The following TMC6 variants were observed in gnomAD, a reference collection of about 807,000 sequenced individuals.
The protein encoded by TMC6 is transmembrane channel like 6.
A neutral mutation model predicts 95.4 loss-of-function variants in TMC6; 71 were observed. The observed-to-expected ratio is 0.74, with a 90% CI of 0.61 to 0.91. The LOEUF is 0.91. TMC6 is among the 40% of genes least tolerant of loss of function. The pLI, the probability that TMC6 is intolerant of heterozygous loss-of-function variation, is 0.00. For missense variants in TMC6, 1,074 were observed against 1,079.1 expected (o/e 1.00, Z 0.07); for synonymous variants, 514 against 483.1 (o/e 1.06, Z -0.84).
At chr17:78,118,023 C>G in intron 15 of TMC6, 88 bp from the exon 16 acceptor site, 1 of 1,543,834 alleles carries the variant, frequency 6.5e-7, no homozygotes, top group Non-Finnish European at 8.7e-7. Flanking sequence ...GAAGGGCGAC[C>G]AGGGCTGTGC....
rs2074417768 is a variant in TMC6, at chr17:78,121,604, C to T, written c.1335G>A (p.Ala445=). 7 of 1,611,312 alleles carry T rather than the reference C, an allele frequency of 4.3e-6. No homozygotes were observed. Among genetic ancestry groups the T allele is most frequent in the African/African-American group, 1.3e-5 (1 of 74,870 alleles). Residue 445 remains alanine, a synonymous_variant, in exon 11 of 20, where the codon GCG becomes GCA. Coordinates refer to ENST00000590602, the MANE Select transcript of TMC6 (RefSeq NM_001127198.5). This position sits in a 1 kb window ranked among gnomAD's most constrained non-coding sequence, Gnocchi z 5.6. Reference sequence around the variant, plus strand: ...CGTGGACGGCCACGGCGCAGCCCAGCGCGGTCCCCAGACACAGCAGCCACA... The same window carrying T: ...CGTGGACGGCCACGGCGCAGCCCAGTGCGGTCCCCAGACACAGCAGCCACA... ...GLVWLLCLGT[A]LGCAVAVHVF...
rs370394664 is a variant in TMC6, at chr17:78,113,577, G to C, written c.2325C>G (p.Tyr775Ter). The C allele has an allele frequency of 6.2e-7, 1 of 1,613,844 alleles. No homozygotes were observed. Among genetic ancestry groups the C allele is most frequent in the Middle Eastern group, 1.6e-4 (1 of 6,062 alleles). Residue 775 changes from tyrosine to a stop codon, truncating the protein, a stop_gained, in exon 19 of 20, where the codon TAC becomes TAG. Transcript: ENST00000590602. LOFTEE classifies it low-confidence loss of function (END_TRUNC). ...TCCTCTCCTCCCTCTCCTTCCTCTCGTAGATGGAGTGAAGCTTGTTGATTA... is the reference window on the plus strand; with the variant it reads ...TCCTCTCCTCCCTCTCCTTCCTCTCCTAGATGGAGTGAAGCTTGTTGATTA... ...IFLINKLHSI[Y>*]ERKEREERSR...
At position 78,126,207 on chromosome 17, in the gene TMC6, C is replaced by T. The variant is rs540804398; in HGVS notation, c.271+70G>A. On this transcript the variant is annotated intron_variant, in intron 4 of 19. Coordinates refer to ENST00000590602, the MANE Select transcript of TMC6 (RefSeq NM_001127198.5). Reference sequence around the variant, plus strand: ...CCCAGGGAGATGCCTGGCAGGAAGCCCAGCCCAGCCCCAGGGACTGGGGTC... The same window carrying T: ...CCCAGGGAGATGCCTGGCAGGAAGCTCAGCCCAGCCCCAGGGACTGGGGTC... The T allele has an allele frequency of 5.8e-5, 88 of 1,526,808 alleles. 1 individual carries two copies. In the South Asian group the frequency reaches 9.2e-4, roughly 16 times the overall value. The allele number at this position is 1,526,808 out of a possible 1,614,324, so 94.6% of individuals were successfully genotyped here.
chr17:78,109,392 C>T lies in TMC6; in HGVS notation c.*3756G>A. ...CAGGATCCACGTGGAAACAAAGCTG[C>T]TTAGCTCTGCATATCAGTGCTTCTC... On this transcript the variant is annotated 3_prime_UTR_variant, in exon 20 of 20. Transcript: ENST00000590602. 1 of 454,320 alleles carries T rather than the reference C, an allele frequency of 2.2e-6. No homozygotes were observed. 28.1% of individuals were successfully genotyped at this position (454,320 alleles called of 1,614,324 possible). A position where few individuals can be genotyped will look rare whatever the true frequency, so the allele number is the denominator to read the frequency against.
upstream of TMC6, chr17:78,132,120 C>A (rs2075007909): frequency 8.5e-6 from 13 of 1,521,280 alleles, no homozygotes; most frequent in Non-Finnish European, 1.1e-5. Context: ...ATCCCACCTG[C>A]CTTCACCCGG....
chr17:78,125,540 A>T (rs1598872026), intron 5 of TMC6, among the ~76,000 whole-genome samples, 186 bp downstream of exon 5: 1 of 151,902 alleles, frequency 6.6e-6, no homozygotes, highest in Non-Finnish European at 1.5e-5. Context: ...GTGAGGTAAG[A>T]CCCCCACTTC....
intron 15 of TMC6, 83 bp from the exon 16 acceptor site, chr17:78,118,018 G>A: frequency 6.5e-7 from 1 of 1,547,062 alleles, no homozygotes; most frequent in Non-Finnish European, 8.7e-7. Flanking sequence ...AGAGGGAAGG[G>A]CGACCAGGGC....
upstream of TMC6, chr17:78,132,039 C>T (rs1363665003): frequency 6.5e-7 from 1 of 1,534,620 alleles, no homozygotes. Flanking sequence ...GGGTAGGACC[C>T]GCGCGACCCG....
At chr17:78,117,196 G>T in intron 18 of TMC6, 73 bp downstream of exon 18, 1 of 1,504,830 alleles carries the variant, frequency 6.6e-7, no homozygotes, top group Non-Finnish European at 9.2e-7. Context: ...ATGTACAGGG[G>T]AGTGGAGGGG....
At position 78,113,574 on chromosome 17, in the gene TMC6, C is replaced by G. The variant is rs2073903324; in HGVS notation, c.2328G>C (p.Glu776Asp). 5 of 1,614,036 alleles carry G rather than the reference C, an allele frequency of 3.1e-6. No homozygotes were observed. Among genetic ancestry groups the G allele is most frequent in the Non-Finnish European group, 4.2e-6 (5 of 1,180,020 alleles). Residue 776 changes from glutamate to aspartate, a missense_variant, in exon 19 of 20, where the codon GAG becomes GAC. Glu to Asp is a conservative substitution (Grantham distance 45). Transcript: ENST00000590602. ...FLINKLHSIY[E>D]RKEREERSRV... ...TGCTCCTCTCCTCCCTCTCCTTCCTCTCGTAGATGGAGTGAAGCTTGTTGA... is the reference window on the plus strand; with the variant it reads ...TGCTCCTCTCCTCCCTCTCCTTCCTGTCGTAGATGGAGTGAAGCTTGTTGA...
chr17:78,125,586 G>A (rs2074667580), intron 5 of TMC6, 140 bp downstream of exon 5: 1 of 1,306,298 alleles, frequency 7.7e-7, no homozygotes, highest in African/African-American at 1.5e-5. Context: ...GGACGGGGGG[G>A]CCTTCAGGCA....
chr17:78,117,469 G>A lies in TMC6; in HGVS notation c.2197C>T (p.Leu733=). 2 of 1,609,972 alleles carry A rather than the reference G, an allele frequency of 1.2e-6. No homozygotes were observed. The highest frequency in any genetic ancestry group is 1.7e-6 in the Non-Finnish European group (2 of 1,179,134). The change falls in exon 17 of 20, where the codon CTG becomes TTG. Residue 733 remains leucine (L), a splice_region_variant and synonymous_variant. Transcript: ENST00000590602. ...GCCGCCCCCACCTGCGGGACTCACAGCAGCAGGGCTGACACCAGGAAGACA... is the reference window on the plus strand; with the variant it reads ...GCCGCCCCCACCTGCGGGACTCACAACAGCAGGGCTGACACCAGGAAGACA... ...FFVFLVSALL[L]AVIYLNIQVV... is the part of the protein sequence containing the mutation.
chr17:78,120,001 C>T (rs2074329169), intron 13 of TMC6: 4 of 392,100 alleles, frequency 1.0e-5, no homozygotes, highest in South Asian at 2.0e-5. Context: ...CATATATTCT[C>T]GAAGAAAACA....
Position 78,112,881 on chromosome 17 carries a change from C to T in TMC6, c.*267G>A, listed in dbSNP as rs1054879038. 1.9e-5 allele frequency: 10 copies of T among 520,462 alleles called. No homozygotes were observed. Among genetic ancestry groups the T allele is most frequent in the Non-Finnish European group, 3.4e-5 (10 of 294,002 alleles). 32.2% of individuals were successfully genotyped at this position (520,462 alleles called of 1,614,324 possible). On this transcript the variant is annotated 3_prime_UTR_variant, in exon 20 of 20. Transcript: ENST00000590602. The stretch of plus-strand genomic sequence containing the variant: ...CCCCAGGGCAGCGGGAAGCAGGCCC[C>T]GGGTGTGGTCACAGACACAGAGCCC...
Position 78,121,184 on chromosome 17 carries a change from G to A in TMC6, c.1384-20C>T, listed in dbSNP as rs201407700. 925 of 1,568,114 alleles carry A rather than the reference G, an allele frequency of 5.9e-4. 5 individuals are homozygous for A. The Middle Eastern group carries it at 9.0e-3, about 15-fold the overall frequency. The stretch of plus-strand genomic sequence containing the variant: ...TGGACTCTGCAGGGGTGCAGGGAGC[G>A]GTGTCATGGAAGCCCCCCATCCATG... On this transcript the variant is annotated intron_variant, in intron 11 of 19. Transcript: ENST00000590602. The surrounding 1 kb of genome is among the most constrained non-coding windows in gnomAD (Gnocchi z 5.6).
In TMC6 at chr17:78,110,453, A is replaced by G. The variant is rs1028283037; in HGVS notation, c.*2695T>C. The G allele has an allele frequency of 1.3e-5, 2 of 152,236 alleles. No individual in the cohort carries two copies. The highest frequency in any genetic ancestry group is 2.9e-5 in the Non-Finnish European group (2 of 68,068). The allele number at this position is 152,236 out of a possible 1,614,324, so 9.4% of individuals were successfully genotyped here. On this transcript the variant is annotated 3_prime_UTR_variant, in exon 20 of 20. Transcript: ENST00000590602. ...CATGGAACTGCACTCCAGCCTGGGCAAGAGCAAGACTCTGAAAAAGCAAAT... is the reference window on the plus strand; with the variant it reads ...CATGGAACTGCACTCCAGCCTGGGCGAGAGCAAGACTCTGAAAAAGCAAAT...
At chr17:78,118,724 G>A (rs2074258575) in intron 15 of TMC6, among the ~76,000 whole-genome samples, 1 of 152,188 alleles carries the variant, frequency 6.6e-6, no homozygotes, top group Non-Finnish European at 1.5e-5. Context: ...CCCCTGGCCA[G>A]GTGCACACAG....
chr17:78,124,223 C>T, intron 8 of TMC6, 44 bp from the exon 9 acceptor site: 2 of 1,605,968 alleles, frequency 1.2e-6, no homozygotes, highest in South Asian at 2.2e-5. Context: ...TTCCCCACGC[C>T]CCACCCGACC....
rs762117152 is a variant in TMC6, at chr17:78,125,804, C to T, written c.352G>A (p.Gly118Arg). Residue 118 changes from glycine to arginine, a missense_variant, in exon 5 of 20, where the codon GGG (glycine) becomes AGG (arginine). Transcript: ENST00000590602. ...LRCRSSRPLLGNFVRSAWPSL... is the reference protein window; with the variant it reads ...LRCRSSRPLLRNFVRSAWPSL... The stretch of plus-strand genomic sequence containing the variant: ...GGCCAGGCGGAGCGGACAAAGTTCC[C>T]GAGCAGGGGCCGGCTGCTCCTGCAC... The T allele has an allele frequency of 1.3e-5, 20 of 1,558,982 alleles. No homozygotes were observed. The Middle Eastern group carries it at 5.0e-4, about 39-fold the overall frequency.
Sources: gnomAD v4.1 joint callset for allele counts (sites outside exome capture counted in the v4.1 genomes callset) on GRCh38, gnomAD v4.1.1 for gene constraint, Gnocchi (gnomAD v3.1) non-coding constraint, MANE v1.5 for transcripts, NCBI Gene and HGNC (gene_info 2026-07-23, HGNC 2026-07-21) for gene names.